Variants in MSRA observed in about 807,000 individuals in gnomAD.
The protein encoded by MSRA is mitochondrial peptide methionine sulfoxide reductase.
In MSRA, 54 loss-of-function variants were observed where a neutral mutation model predicts 31.3. That is an observed-to-expected ratio of 1.73 (90% CI 1.39 to 2.17). The LOEUF (loss-of-function observed/expected upper bound fraction) is 2.17, where lower values mean the gene tolerates loss of function less well. MSRA is among the 30% of genes most tolerant of loss of function. MSRA has a pLI of 0.00. For missense variants in MSRA, 507 were observed against 300.9 expected, an observed-to-expected ratio of 1.69 and a Z score of -5.07; for synonymous variants, 169 against 116.5, an observed-to-expected ratio of 1.45 and a Z score of -2.90.
At chr8:10,143,906 C>T (rs943976909) in intron 1 of MSRA, among the ~76,000 whole-genome samples, 1 of 152,178 alleles carries the variant, frequency 6.6e-6, no homozygotes, top group Non-Finnish European at 1.5e-5. Context: ...TTTGTAGATT[C>T]TTGTCTGCTG....
chr8:10,393,277 C>T (rs1424101982), intron 5 of MSRA, among the ~76,000 whole-genome samples: 2 of 152,242 alleles, frequency 1.3e-5, no homozygotes, highest in East Asian at 3.9e-4. Context: ...GGTTTGTTTC[C>T]TTGCCATTGG....
chr8:10,104,197 A>C (rs371620939), intron 1 of MSRA, among the ~76,000 whole-genome samples: 1 of 152,186 alleles, frequency 6.6e-6, no homozygotes, highest in Non-Finnish European at 1.5e-5. Flanking sequence ...CTAGAGGAGG[A>C]CTTAGAAATG....
chr8:10,095,577 A>G, intron 1 of MSRA: 2 of 986,092 alleles, frequency 2.0e-6, no homozygotes, highest in Non-Finnish European at 1.2e-6. Context: ...AGAGGGAGAG[A>G]GAGAGGCAGA....
intron 5 of MSRA, among the ~76,000 whole-genome samples, chr8:10,327,082 G>A (rs147256803): frequency 1.1e-4 from 16 of 152,188 alleles, no homozygotes; most frequent in African/African-American, 3.1e-4. Context: ...TATTTCTCTC[G>A]CGAAAAAGAG....
At chr8:10,251,481 T>G (rs1346284115) in intron 3 of MSRA, among the ~76,000 whole-genome samples, 2 of 152,232 alleles carry the variant, frequency 1.3e-5, no homozygotes, top group Non-Finnish European at 2.9e-5. Context: ...GCAAGAATTC[T>G]GGTGTTCAGT....
intron 3 of MSRA, among the ~76,000 whole-genome samples, chr8:10,279,779 G>A (rs1799520724): frequency 6.6e-6 from 1 of 152,184 alleles, no homozygotes; most frequent in Admixed American, 6.5e-5. Flanking sequence ...CCTGTGCTAT[G>A]TTTAGCATCC....
chr8:10,209,464 GT>G (rs1809288075), intron 2 of MSRA, among the ~76,000 whole-genome samples: 1 of 152,212 alleles, frequency 6.6e-6, no homozygotes, highest in Non-Finnish European at 1.5e-5. Context: ...TGATGACATT[GT>G]TTGACTACAG....
chr8:10,161,643 T>C (rs115875060), intron 1 of MSRA, among the ~76,000 whole-genome samples: 3,339 of 152,250 alleles, frequency 0.022, 112 homozygotes, highest in African/African-American at 0.075. Context: ...AAGAGGCGGA[T>C]GAAGTGAGAA....
At position 10,319,923 on chromosome 8, in the gene MSRA, G is replaced by T; in HGVS notation, c.477G>T (p.Ser159=). The T allele has an allele frequency of 1.9e-6, 3 of 1,599,306 alleles. No homozygotes were observed. The highest frequency in any genetic ancestry group is 2.7e-5 in the African/African-American group (2 of 74,560). The part of the protein sequence containing the change: ...QGNDHGTQYR[S]AIYPTSAKQM... Reference sequence around the variant, plus strand: ...ACGACCATGGCACTCAGTACCGCTCGGCCATCTACCCGACCTCTGCCAAGC... The same window carrying T: ...ACGACCATGGCACTCAGTACCGCTCTGCCATCTACCCGACCTCTGCCAAGC... Residue 159 remains serine (S), a synonymous_variant, in exon 5 of 6, where the codon TCG becomes TCT. Coordinates refer to ENST00000317173, the MANE Select transcript of MSRA (RefSeq NM_012331.5).
chr8:10,072,131 G>T (rs1253674469), intron 1 of MSRA, among the ~76,000 whole-genome samples: 1 of 152,028 alleles, frequency 6.6e-6, no homozygotes, highest in Non-Finnish European at 1.5e-5. Context: ...CAGAACAAAG[G>T]CGCACACATG....
chr8:10,088,877 GAC>G (rs1563420783), intron 1 of MSRA, among the ~76,000 whole-genome samples: 3 of 152,176 alleles, frequency 2.0e-5, no homozygotes, highest in East Asian at 1.9e-4. Flanking sequence ...GAAATGTGCA[GAC>G]ACAGAGAGAG....
At chr8:10,371,651 C>T (rs1214876562) in intron 5 of MSRA, among the ~76,000 whole-genome samples, 1 of 152,162 alleles carries the variant, frequency 6.6e-6, no homozygotes, top group Non-Finnish European at 1.5e-5. Flanking sequence ...TTTCCCTCCA[C>T]CTACCGCCTG....
intron 2 of MSRA, among the ~76,000 whole-genome samples, chr8:10,234,698 C>T (rs1284972740): frequency 6.6e-6 from 1 of 151,794 alleles, no homozygotes; most frequent in East Asian, 1.9e-4. Flanking sequence ...ACAAGAAATG[C>T]ACCTAAAATA....
chr8:10,098,487 C>G (rs933950835), intron 1 of MSRA, among the ~76,000 whole-genome samples: 1 of 152,050 alleles, frequency 6.6e-6, no homozygotes, highest in African/African-American at 2.4e-5. Flanking sequence ...TGAGCACTCA[C>G]TTAAATATGC....
chr8:10,070,713 T>C lies in MSRA; in HGVS notation c.142+16055T>C, dbSNP rs183198641. Among the ~76,000 whole-genome samples the C allele has an allele frequency of 1.1e-3, 162 of 152,344 alleles. 1 individual carries two copies. The highest frequency in any genetic ancestry group is 3.5e-3 in the African/African-American group (145 of 41,582). On this transcript the variant is annotated intron_variant, in intron 1 of 5. Coordinates refer to ENST00000317173, the MANE Select transcript of MSRA (RefSeq NM_012331.5). ...CCACTCCTGTTCTCCATTGCTGTTA[T>C]TTCATCATTTCAAGGATTTTACATA...
chr8:10,388,230 G>A (rs1200645607), intron 5 of MSRA, among the ~76,000 whole-genome samples: 2 of 152,158 alleles, frequency 1.3e-5, no homozygotes, highest in Non-Finnish European at 2.9e-5. Context: ...CAATTTATGG[G>A]AAGGTGACCA....
chr8:10,408,322 G>A (rs112533400), intron 5 of MSRA, among the ~76,000 whole-genome samples: 99 of 152,146 alleles, frequency 6.5e-4, no homozygotes, highest in African/African-American at 2.3e-3. Flanking sequence ...AGATCACTTC[G>A]GCCCAGGAGT....
intron 1 of MSRA, among the ~76,000 whole-genome samples, chr8:10,099,396 C>T (rs1337624585): frequency 6.6e-6 from 1 of 152,048 alleles, no homozygotes; most frequent in East Asian, 1.9e-4. Flanking sequence ...ATAATTGCTG[C>T]CCATAGGAAT....
intron 3 of MSRA, among the ~76,000 whole-genome samples, chr8:10,257,374 C>G (rs907315371): frequency 2.6e-5 from 4 of 152,168 alleles, no homozygotes; most frequent in African/African-American, 9.7e-5. Context: ...CCCATGTATT[C>G]TACTCTGTGT....
Sources: allele counts gnomAD v4.1 joint callset (sites outside exome capture counted in the v4.1 genomes callset), GRCh38; gene constraint gnomAD v4.1.1; transcripts MANE v1.5; gene names NCBI Gene and HGNC (gene_info 2026-07-23, HGNC 2026-07-21).